Variants in MTUS2 observed in about 807,000 individuals in gnomAD.
MTUS2 encodes the protein microtubule-associated tumor suppressor candidate 2.
A neutral mutation model predicts 114.1 loss-of-function variants in MTUS2; 40 were observed. The ratio of observed to expected loss-of-function variants is 0.35; its 90% CI spans 0.27 to 0.46. MTUS2 has a LOEUF of 0.46. Among genes scored for constraint, MTUS2 ranks in the 20% least tolerant of loss-of-function variants. The probability of loss-of-function intolerance (pLI) is 1.00; values close to 1 mark genes in which losing one functional copy is unlikely to be tolerated. For missense variants in MTUS2, 1,679 were observed against 1,705.4 expected (o/e 0.98, Z 0.27); for synonymous variants, 688 against 672.0 (o/e 1.02, Z -0.37).
chr13:29,383,250 G>GTA (rs763660299), intron 8 of MTUS2, among the ~76,000 whole-genome samples: 9,060 of 64,362 alleles, frequency 0.14, 727 homozygotes, highest in African/African-American at 0.26. Flanking sequence ...GTGTGTGTGT[G>GTA]TGTATTTATT....
At chr13:29,303,242 C>G (rs1260592934) in intron 6 of MTUS2, among the ~76,000 whole-genome samples, 1 of 152,214 alleles carries the variant, frequency 6.6e-6, no homozygotes, top group Non-Finnish European at 1.5e-5. Flanking sequence ...GCCAGAGTGC[C>G]TCTTCTCCAA....
At chr13:29,396,940 A>T (rs1342170023) in intron 8 of MTUS2, among the ~76,000 whole-genome samples, 2 of 152,192 alleles carry the variant, frequency 1.3e-5, no homozygotes, top group Non-Finnish European at 2.9e-5. Flanking sequence ...GCCTGTGGGT[A>T]CCTCATCCCT....
chr13:29,164,746 C>G (rs1184296164), intron 5 of MTUS2, among the ~76,000 whole-genome samples: 1 of 151,876 alleles, frequency 6.6e-6, no homozygotes, highest in East Asian at 1.9e-4. Context: ...TCTGATACCA[C>G]AAATAATTAT....
intron 8 of MTUS2, among the ~76,000 whole-genome samples, chr13:29,367,881 A>G (rs1242938778): frequency 1.3e-5 from 2 of 152,108 alleles, no homozygotes; most frequent in African/African-American, 4.8e-5. Context: ...AAGTCCAGGG[A>G]AAAATAAAGC....
intron 8 of MTUS2, among the ~76,000 whole-genome samples, chr13:29,403,864 G>T (rs1874545240): frequency 6.6e-6 from 1 of 151,548 alleles, no homozygotes; most frequent in African/African-American, 2.4e-5. Flanking sequence ...TATCTATCTG[G>T]TTTCTCCTGC....
chr13:29,443,434 A>T (rs57677650), intron 9 of MTUS2, among the ~76,000 whole-genome samples: 7,309 of 152,270 alleles, frequency 0.048, 569 homozygotes, highest in African/African-American at 0.17. Context: ...CAAGGATTAC[A>T]TTGAGTTTTG....
At chr13:28,895,485 A>T (rs1441328662) in intron 2 of MTUS2, among the ~76,000 whole-genome samples, 2 of 152,202 alleles carry the variant, frequency 1.3e-5, no homozygotes, top group African/African-American at 4.8e-5. Flanking sequence ...TAATTCAGAC[A>T]ATTAGAGAGT....
At chr13:29,016,728 A>C (rs578250048) in intron 2 of MTUS2, among the ~76,000 whole-genome samples, 2 of 152,200 alleles carry the variant, frequency 1.3e-5, no homozygotes, top group Non-Finnish European at 2.9e-5. Flanking sequence ...AGTCCTGTTT[A>C]TATATTAGAA....
At chr13:29,495,852 C>G (rs540420114) in intron 12 of MTUS2, among the ~76,000 whole-genome samples, 1 of 152,246 alleles carries the variant, frequency 6.6e-6, no homozygotes, top group South Asian at 2.1e-4. Context: ...GCCTGGGCGA[C>G]AGAGTGAGAC....
At chr13:28,999,302 T>TG (rs1176155060) in intron 2 of MTUS2, among the ~76,000 whole-genome samples, 2 of 152,144 alleles carry the variant, frequency 1.3e-5, no homozygotes, top group Admixed American at 6.6e-5. Context: ...CCGCCCCTAC[T>TG]GGGGGGTTCC....
In MTUS2 at chr13:29,480,114, C is replaced by A; in HGVS notation, c.3185-36C>A. ...GAGTCCTTCCCATGCCTCCTACGGC[C>A]ATTTTTTAAAGAAAGATCTTGTGCT... On this transcript the variant is annotated intron_variant, in intron 9 of 15. Transcript: ENST00000612955. The surrounding 1 kb of genome is among the most constrained non-coding windows in gnomAD (Gnocchi z 4.4). The A allele has an allele frequency of 6.5e-7, 1 of 1,548,546 alleles. No homozygotes were observed. The highest frequency in any genetic ancestry group is 1.2e-5 in the South Asian group (1 of 83,590).
intron 5 of MTUS2, among the ~76,000 whole-genome samples, chr13:29,253,906 C>T (rs754721517): frequency 1.5e-4 from 23 of 152,098 alleles, no homozygotes; most frequent in South Asian, 6.2e-4. Flanking sequence ...TTCACTATCA[C>T]GAGAACAGCA....
At position 29,261,510 on chromosome 13, in the gene MTUS2, A is replaced by G. The variant is rs201848927; in HGVS notation, c.2645-20194A>G. Among the ~76,000 whole-genome samples the G allele has an allele frequency of 1.3e-4, 20 of 152,346 alleles. 1 individual carries two copies. In the East Asian group the frequency reaches 2.3e-3, roughly 18 times the overall value. On this transcript the variant is annotated intron_variant, in intron 5 of 15. Coordinates refer to ENST00000612955, the MANE Select transcript of MTUS2 (RefSeq NM_001033602.4). The stretch of plus-strand genomic sequence containing the variant: ...ATCCACAAGTCCCTCAGAAGCTTCA[A>G]TATAACTAATCAGATCTCTGACACA...
At position 29,389,856 on chromosome 13, in the gene MTUS2, T is replaced by TAC. The variant is rs1169265874; in HGVS notation, c.3117+30385_3117+30386dup. 4.7e-5 allele frequency among the ~76,000 whole-genome samples: 3 copies of TAC among 63,876 alleles called. 1 individual carries two copies. The highest frequency in any genetic ancestry group is 1.3e-4 in the African/African-American group (3 of 22,394). 41.9% of individuals were successfully genotyped at this position (63,876 alleles called of 152,430 possible). ...ATATATACATACATATGTGTATATA[T>TAC]ACATACATATGTGTATATATACATA... On this transcript the variant is annotated intron_variant, in intron 8 of 15. Coordinates refer to ENST00000612955, the MANE Select transcript of MTUS2 (RefSeq NM_001033602.4).
intron 2 of MTUS2, among the ~76,000 whole-genome samples, chr13:28,843,255 T>G (rs141601255): frequency 2.0e-5 from 3 of 152,234 alleles, no homozygotes; most frequent in Non-Finnish European, 4.4e-5. Context: ...CCTGAGAGAT[T>G]CCTGAAGGTT....
intron 4 of MTUS2, among the ~76,000 whole-genome samples, chr13:29,061,721 G>T (rs1220963456): frequency 6.6e-6 from 1 of 152,204 alleles, no homozygotes; most frequent in Non-Finnish European, 1.5e-5. Flanking sequence ...CACCTTGTTT[G>T]TTTTCCTTCC....
chr13:29,281,608 A>G, intron 5 of MTUS2, 96 bp from the exon 6 acceptor site: 1 of 1,319,892 alleles, frequency 7.6e-7, no homozygotes, highest in Non-Finnish European at 1.1e-6. Context: ...GTTCTAAAGC[A>G]GATGACGGCA....
Position 29,071,409 on chromosome 13 carries a change from A to ATTTTT in MTUS2, c.2447-29334_2447-29330dup, listed in dbSNP as rs751020009. 6.5e-4 allele frequency among the ~76,000 whole-genome samples: 30 copies of ATTTTT among 46,142 alleles called. 5 individuals are homozygous for ATTTTT. Among genetic ancestry groups the ATTTTT allele is most frequent in the African/African-American group, 2.0e-3 (18 of 9,168 alleles). 30.3% of individuals were successfully genotyped at this position (46,142 alleles called of 152,430 possible). On this transcript the variant is annotated intron_variant, in intron 4 of 15. Transcript: ENST00000612955. ...TTTAAAAGATCTCTATGTTGCTTGA[A>ATTTTT]TTTTTTTTTTTTTTTTTTTTTTTTT...
At chr13:29,148,472 C>CTTTTTTT (rs976334425) in intron 5 of MTUS2, among the ~76,000 whole-genome samples, 5 of 71,350 alleles carry the variant, frequency 7.0e-5, no homozygotes, top group African/African-American at 2.7e-4. Flanking sequence ...GTTTGGTTTT[C>CTTTTTTT]TTTTTTTTTT....
Sources: gnomAD v4.1 joint callset for allele counts (sites outside exome capture counted in the v4.1 genomes callset) on GRCh38, gnomAD v4.1.1 for gene constraint, Gnocchi (gnomAD v3.1) non-coding constraint, MANE v1.5 for transcripts, NCBI Gene and HGNC (gene_info 2026-07-23, HGNC 2026-07-21) for gene names.